KIDINS220: variants seen among roughly 807,000 people sequenced by gnomAD.
KIDINS220 encodes the protein kinase D interacting substrate 220, also known as kinase D-interacting substrate of 220 kDa.
Under a neutral mutation model 157.6 loss-of-function variants are expected in KIDINS220, and 63 were observed. That is an observed-to-expected ratio of 0.40 (90% CI 0.33 to 0.49). The LOEUF (loss-of-function observed/expected upper bound fraction) is 0.49, where lower values mean the gene tolerates loss of function less well. KIDINS220 is among the 20% of genes least tolerant of loss of function. The probability of loss-of-function intolerance (pLI) is 0.66; values close to 1 mark genes in which losing one functional copy is unlikely to be tolerated. For missense variants in KIDINS220, 1,772 were observed against 2,171.2 expected (o/e 0.82, Z 3.65); for synonymous variants, 732 against 783.6 (o/e 0.93, Z 1.10).
intron 22 of KIDINS220, among the ~76,000 whole-genome samples, chr2:8,753,461 T>G (rs976039536): frequency 1.3e-5 from 2 of 152,206 alleles, no homozygotes; most frequent in Non-Finnish European, 2.9e-5. Context: ...GATGGAAACA[T>G]TTACTCTCTT....
At chr2:8,786,105 C>T in intron 16 of KIDINS220, 75 bp from the exon 17 acceptor site, 2 of 1,556,228 alleles carry the variant, frequency 1.3e-6, no homozygotes, top group Non-Finnish European at 1.8e-6. Flanking sequence ...GTCACAATAC[C>T]TGATGAGTCT....
At position 8,744,398 on chromosome 2, in the gene KIDINS220, T is replaced by A. The variant is rs1558328575; in HGVS notation, c.3585+2747A>T. On this transcript the variant is annotated intron_variant, in intron 26 of 29. Transcript: ENST00000256707. ...AAAAAAAAAAAAAAAAATATATATA[T>A]ATAATATATATATATATATATATAT... is the stretch of plus-strand genomic sequence containing the variant. Among the ~76,000 whole-genome samples, 22 of 24,150 alleles carry A rather than the reference T, an allele frequency of 9.1e-4. 3 individuals carry two copies. Among genetic ancestry groups the A allele is most frequent in the African/African-American group, 4.5e-3 (22 of 4,880 alleles). 15.8% of individuals were successfully genotyped at this position (24,150 alleles called of 152,430 possible). A position where few individuals can be genotyped will look rare whatever the true frequency, so the allele number is the denominator to read the frequency against.
chr2:8,761,692 G>A (rs746491755), intron 22 of KIDINS220, among the ~76,000 whole-genome samples: 24 of 151,996 alleles, frequency 1.6e-4, no homozygotes, highest in Non-Finnish European at 1.0e-4. Context: ...GAAGGGGAAA[G>A]CAAAATGTAT....
chr2:8,735,322 A>C (rs1162530516), intron 27 of KIDINS220, among the ~76,000 whole-genome samples: 1 of 152,196 alleles, frequency 6.6e-6, no homozygotes, highest in Non-Finnish European at 1.5e-5. Flanking sequence ...ACCTAAAGTC[A>C]GGAGTTCGAG....
At chr2:8,815,574 C>G (rs1292945187) in intron 4 of KIDINS220, among the ~76,000 whole-genome samples, 1 of 152,052 alleles carries the variant, frequency 6.6e-6, no homozygotes, top group Non-Finnish European at 1.5e-5. Context: ...GAGGCTGAGG[C>G]AGAAGAATTG....
At chr2:8,800,621 T>A in intron 8 of KIDINS220, 123 bp from the exon 9 acceptor site, 1 of 672,260 alleles carries the variant, frequency 1.5e-6, no homozygotes. Context: ...AAAGTCTACC[T>A]CTAAATAAGA....
chr2:8,798,245 C>G lies in KIDINS220; in HGVS notation c.956G>C (p.Arg319Thr), dbSNP rs1674229099. ...GTCAGGATTGCACTGTAAGATATCTCTCACCATTGTTGCATTTCCTTTCTC... is the reference window on the plus strand; with the variant it reads ...GTCAGGATTGCACTGTAAGATATCTGTCACCATTGTTGCATTTCCTTTCTC... Reference protein sequence around the residue: ...AVEKGNATMVRDILQCNPDTE... With the variant: ...AVEKGNATMVTDILQCNPDTE... The change falls in exon 10 of 30, where the codon AGA becomes ACA. Residue 319 changes from arginine to threonine, a missense_variant. By Grantham distance (71) the Arg-to-Thr change is moderately conservative. Around this residue, in one of 3 missense-constraint regions of KIDINS220, gnomAD observed 725 missense variants for 1,017.1 expected, o/e 0.71. Coordinates refer to ENST00000256707, the MANE Select transcript of KIDINS220 (RefSeq NM_020738.4). The G allele has an allele frequency of 6.2e-7, 1 of 1,612,828 alleles. No individual in the cohort carries two copies. The highest frequency in any genetic ancestry group is 8.5e-7 in the Non-Finnish European group (1 of 1,179,106).
intron 20 of KIDINS220, 72 bp downstream of exon 20, chr2:8,778,567 G>T: frequency 1.1e-6 from 1 of 951,702 alleles, no homozygotes; most frequent in Non-Finnish European, 1.7e-6. Flanking sequence ...TATTATTTAA[G>T]TGGCATCATC....
At chr2:8,804,034 C>A (rs1675093816) in intron 7 of KIDINS220, among the ~76,000 whole-genome samples, 1 of 152,242 alleles carries the variant, frequency 6.6e-6, no homozygotes. Flanking sequence ...TTTTCAAATT[C>A]TTGAGCCATC....
intron 17 of KIDINS220, among the ~76,000 whole-genome samples, chr2:8,782,809 A>G (rs1206150773): frequency 1.3e-5 from 2 of 152,252 alleles, no homozygotes; most frequent in African/African-American, 4.8e-5. Flanking sequence ...CAAAATGTAT[A>G]AAAAGAATTA....
intron 22 of KIDINS220, among the ~76,000 whole-genome samples, chr2:8,756,638 T>C (rs1314234390): frequency 6.6e-6 from 1 of 152,184 alleles, no homozygotes; most frequent in Non-Finnish European, 1.5e-5. Context: ...GCCTTCTTTT[T>C]GGTTTGCAAA....
chr2:8,786,890 T>C (rs985041089), intron 15 of KIDINS220, among the ~76,000 whole-genome samples: 3 of 152,246 alleles, frequency 2.0e-5, no homozygotes, highest in Non-Finnish European at 2.9e-5. Flanking sequence ...GATTGAGAAA[T>C]AGTTGTAAAA....
At chr2:8,796,939 C>T (rs763520208) in intron 10 of KIDINS220, 70 bp from the exon 11 acceptor site, 2 of 1,099,472 alleles carry the variant, frequency 1.8e-6, no homozygotes, top group East Asian at 2.3e-5. Flanking sequence ...TACAAATGCA[C>T]ATGTCAAGAA....
downstream of KIDINS220, chr2:8,722,747 C>A (rs1041925337): frequency 6.6e-6 from 1 of 152,092 alleles, no homozygotes; most frequent in Non-Finnish European, 1.5e-5. Context: ...ACCTTACTTG[C>A]CTTTGGGAGG....
chr2:8,743,382 C>T (rs758837845), intron 26 of KIDINS220, among the ~76,000 whole-genome samples: 2 of 152,228 alleles, frequency 1.3e-5, no homozygotes, highest in Non-Finnish European at 2.9e-5. Flanking sequence ...TAAGGCTCCA[C>T]GGATTCTGGC....
chr2:8,806,301 G>A lies in KIDINS220; in HGVS notation c.573C>T (p.Ala191=), dbSNP rs1458920240. 6.2e-7 allele frequency: 1 copy of A among 1,610,518 alleles called. No individual in the cohort carries two copies. The highest frequency in any genetic ancestry group is 1.3e-5 in the African/African-American group (1 of 74,884). The part of the protein sequence containing the change: ...GHLECVKHLL[A]MGADVDQEGA... Reference sequence around the variant, plus strand: ...CTTCTTGATCCACATCAGCTCCCATGGCCAATAAATGTTTCACACATTCCA... The same window carrying A: ...CTTCTTGATCCACATCAGCTCCCATAGCCAATAAATGTTTCACACATTCCA... The change falls in exon 7 of 30, where the codon GCC becomes GCT. Residue 191 remains alanine (A), a synonymous_variant. Coordinates refer to ENST00000256707, the MANE Select transcript of KIDINS220 (RefSeq NM_020738.4).
At chr2:8,780,544 T>TGG in intron 17 of KIDINS220, among the ~76,000 whole-genome samples, 1 of 148,674 alleles carries the variant, frequency 6.7e-6, no homozygotes, top group Admixed American at 6.8e-5. Context: ...GTGTGTGTGG[T>TGG]GGGGGGTGTG....
chr2:8,786,417 T>A, intron 15 of KIDINS220, 60 bp from the exon 16 acceptor site: 1 of 1,313,814 alleles, frequency 7.6e-7, no homozygotes, highest in Non-Finnish European at 1.1e-6. Flanking sequence ...ATAACTTCAA[T>A]GTATGTCATC....
intron 11 of KIDINS220, among the ~76,000 whole-genome samples, chr2:8,795,470 C>T (rs1673783076): frequency 1.3e-5 from 2 of 152,178 alleles, no homozygotes; most frequent in Admixed American, 6.5e-5. Flanking sequence ...GTAAAAATAA[C>T]ATTAATCGTC....
Sources: allele counts gnomAD v4.1 joint callset (sites outside exome capture counted in the v4.1 genomes callset), GRCh38; gene constraint gnomAD v4.1.1; regional missense constraint gnomAD v4.1.1; transcripts MANE v1.5; gene names NCBI Gene and HGNC (gene_info 2026-07-23, HGNC 2026-07-21).